Variants in KMT2C observed in about 807,000 individuals in gnomAD.
KMT2C encodes histone-lysine N-methyltransferase 2C.
Under a neutral mutation model 507.9 loss-of-function variants are expected in KMT2C, and 88 were observed. The ratio of observed to expected loss-of-function variants is 0.17; its 90% confidence interval spans 0.15 to 0.21. The LOEUF (loss-of-function observed/expected upper bound fraction) is 0.21, where lower values mean the gene tolerates loss of function less well. Among genes scored for constraint, KMT2C ranks in the 10% least tolerant of loss-of-function variants. KMT2C has a pLI of 1.00. For missense variants in KMT2C, 4,954 were observed against 5,957.8 expected (o/e 0.83, Z 5.55); for synonymous variants, 2,049 against 2,080.8 (o/e 0.98, Z 0.42).
intron 23 of KMT2C, among the ~76,000 whole-genome samples, chr7:152,217,161 A>G (rs1303837551): frequency 1.3e-5 from 2 of 152,210 alleles, no homozygotes; most frequent in Non-Finnish European, 2.9e-5. Context: ...TTTTAGGTTT[A>G]ATACAAAATA....
At chr7:152,198,232 A>G (rs756963374) in intron 27 of KMT2C, among the ~76,000 whole-genome samples, 1 of 152,338 alleles carries the variant, frequency 6.6e-6, no homozygotes, top group Middle Eastern at 3.4e-3. Context: ...TGACCTCACT[A>G]CCAACAATGA....
chr7:152,318,722 A>C (rs984151593), intron 3 of KMT2C, among the ~76,000 whole-genome samples: 2 of 152,012 alleles, frequency 1.3e-5, no homozygotes, highest in Non-Finnish European at 2.9e-5. Flanking sequence ...ATGGGAAAAG[A>C]GGTAAAAAGA....
intron 9 of KMT2C, among the ~76,000 whole-genome samples, chr7:152,257,470 A>G (rs935182586): frequency 5.9e-5 from 9 of 152,206 alleles, no homozygotes; most frequent in African/African-American, 1.2e-4. Context: ...AAGTATACTA[A>G]TATCTTCTAT....
chr7:152,413,361 C>T (rs1015771274), intron 1 of KMT2C, among the ~76,000 whole-genome samples: 1 of 152,126 alleles, frequency 6.6e-6, no homozygotes, highest in Non-Finnish European at 1.5e-5. Context: ...AATCCGCCTG[C>T]CTCAGCCTCC....
chr7:152,240,319 C>G (rs1157730797), intron 14 of KMT2C, among the ~76,000 whole-genome samples: 1 of 152,378 alleles, frequency 6.6e-6, no homozygotes, highest in East Asian at 1.9e-4. Flanking sequence ...CTCCTGACAT[C>G]TGGCATACTG....
chr7:152,235,901 T>C lies in KMT2C; in HGVS notation c.2685A>G (p.Arg895=), dbSNP rs2129155547. Residue 895 remains arginine (R), a synonymous_variant, in exon 16 of 59, where the codon AGA becomes AGG. Transcript: ENST00000262189. Reference sequence around the variant, plus strand: ...GCCCCGACAGTCCTGCACCTCGAGGTCTCCGCTTTCCTGGAAATCCAGACC... The same window carrying C: ...GCCCCGACAGTCCTGCACCTCGAGGCCTCCGCTTTCCTGGAAATCCAGACC... ...GRGSGFPGKR[R]PRGAGLSGRG... is the part of the protein sequence containing the mutation. 6.2e-7 allele frequency: 1 copy of C among 1,611,890 alleles called. No individual in the cohort carries two copies. Among genetic ancestry groups the C allele is most frequent in the Non-Finnish European group, 8.5e-7 (1 of 1,179,756 alleles).
chr7:152,300,080 C>T (rs548047276), intron 6 of KMT2C, among the ~76,000 whole-genome samples: 58 of 152,324 alleles, frequency 3.8e-4, no homozygotes, highest in African/African-American at 1.4e-3. Context: ...ACACTTATCA[C>T]AGCCTGTCTA....
chr7:152,163,647 C>G lies in KMT2C; in HGVS notation c.9930G>C (p.Gln3310His), dbSNP rs761669944. The G allele has an allele frequency of 1.5e-5, 24 of 1,612,706 alleles. No individual in the cohort carries two copies. The South Asian group carries it at 1.9e-4, about 13-fold the overall frequency. The change falls in exon 43 of 59, where the codon CAG (glutamine) becomes CAC (histidine). Residue 3310 changes from glutamine to histidine, a missense_variant. Coordinates refer to ENST00000262189, the MANE Select transcript of KMT2C (RefSeq NM_170606.3). ...CTGTTGTGTGCTGCTGGTGCTGAAG[C>G]TGCTGTGGCACCATGGGAAAGGTGG... ...SQPTFPMVPQ[Q>H]LQHQQHTTVI... is the part of the protein sequence containing the mutation.
At chr7:152,178,109 C>T (rs1355265857) in intron 37 of KMT2C, 99 bp from the exon 38 acceptor site, 2 of 1,204,928 alleles carry the variant, frequency 1.7e-6, no homozygotes, top group Non-Finnish European at 2.1e-6. Flanking sequence ...TTAAACTGTA[C>T]ATACAAAATG....
intron 7 of KMT2C, among the ~76,000 whole-genome samples, chr7:152,267,919 T>C (rs1417900229): frequency 6.6e-6 from 1 of 152,162 alleles, no homozygotes; most frequent in African/African-American, 2.4e-5. Context: ...TTCATGTCTG[T>C]GTGCTTTTAC....
intron 9 of KMT2C, among the ~76,000 whole-genome samples, chr7:152,262,522 T>C (rs1157988765): frequency 6.6e-6 from 1 of 152,210 alleles, no homozygotes; most frequent in Non-Finnish European, 1.5e-5. Flanking sequence ...ATCGGCATTT[T>C]TTGTAATAGC....
At chr7:152,197,761 A>T (rs7783901) in intron 27 of KMT2C, among the ~76,000 whole-genome samples, 3,057 of 151,304 alleles carry the variant, frequency 0.02, 108 homozygotes, top group African/African-American at 0.07. Context: ...ATGACATGTT[A>T]AAAAAAAGCC....
At chr7:152,257,083 C>A (rs2095672726) in intron 9 of KMT2C, among the ~76,000 whole-genome samples, 1 of 152,118 alleles carries the variant, frequency 6.6e-6, no homozygotes, top group Non-Finnish European at 1.5e-5. Flanking sequence ...ATTTATAATG[C>A]AAAATATCGT....
intron 35 of KMT2C, 88 bp downstream of exon 35, chr7:152,182,886 A>G: frequency 1.0e-6 from 1 of 955,320 alleles, no homozygotes; most frequent in Non-Finnish European, 1.6e-6. Flanking sequence ...ATGGTCTAAG[A>G]ACTATATTCT....
chr7:152,333,138 T>C (rs1462268009), intron 2 of KMT2C, among the ~76,000 whole-genome samples: 2 of 152,082 alleles, frequency 1.3e-5, no homozygotes, highest in Non-Finnish European at 2.9e-5. Flanking sequence ...TATATACTCC[T>C]GGGGTTGGGT....
chr7:152,248,423 C>T lies in KMT2C; in HGVS notation c.2011G>A (p.Glu671Lys). ...CTGGATACCACTGTTTCAGGTTCCT[C>T]TAACAACTGCAGTTGTTCTTGCTGC... ...TVQQEQLQLL[E>K]EPETVVSREE... Residue 671 changes from glutamate (E) to lysine (K), a missense_variant, in exon 14 of 59, where the codon GAG becomes AAG. By Grantham distance (56) the Glu-to-Lys change is moderately conservative (BLOSUM62 1). Around this residue, in one of 29 missense-constraint regions of KMT2C, gnomAD observed 376 missense variants for 352.4 expected, o/e 1.07. Transcript: ENST00000262189. The T allele has an allele frequency of 1.2e-6, 2 of 1,614,044 alleles. No homozygotes were observed. The highest frequency in any genetic ancestry group is 1.7e-6 in the Non-Finnish European group (2 of 1,179,968).
intron 3 of KMT2C, among the ~76,000 whole-genome samples, chr7:152,329,034 G>A (rs2096856122): frequency 6.6e-6 from 1 of 152,016 alleles, no homozygotes; most frequent in African/African-American, 2.4e-5. Context: ...TTCAGGTAAA[G>A]AAGAGTAACG....
chr7:152,414,322 G>A (rs1404043736), intron 1 of KMT2C, among the ~76,000 whole-genome samples: 1 of 149,022 alleles, frequency 6.7e-6, no homozygotes, highest in Non-Finnish European at 1.5e-5. Context: ...CTGAGGTCAG[G>A]AGTTCGAGAC....
chr7:152,181,763 G>A lies in KMT2C; in HGVS notation c.6097C>T (p.Pro2033Ser), dbSNP rs756581028. The A allele has an allele frequency of 3.7e-6, 6 of 1,614,118 alleles. 1 individual carries two copies. In the South Asian group the frequency reaches 4.4e-5, roughly 12 times the overall value. ...CCAGGACCACTATCAAGAGGTGCAG[G>A]TGTCAACAAGGGTCGTGCATATGAG... The part of the protein sequence containing the change: ...PDSYARPLLT[P>S]APLDSGPGPF... Residue 2033 changes from proline (P) to serine (S), a missense_variant, in exon 36 of 59, where the codon CCT (proline) becomes TCT (serine). Pro to Ser is a moderately conservative substitution (Grantham distance 74, BLOSUM62 -1). This residue lies in a region of KMT2C where 1,689 missense variants were observed against 1,654.3 expected (regional missense o/e 1.02). Transcript: ENST00000262189.
Sources: gnomAD v4.1 joint callset for allele counts (sites outside exome capture counted in the v4.1 genomes callset) on GRCh38, gnomAD v4.1.1 for gene constraint, gnomAD v4.1.1 regional missense constraint, MANE v1.5 for transcripts, NCBI Gene and HGNC (gene_info 2026-07-23, HGNC 2026-07-21) for gene names.